The following SHOC2 variants were observed in gnomAD, a reference collection of about 807,000 sequenced individuals.
The protein encoded by SHOC2 is leucine-rich repeat protein SHOC-2.
In SHOC2, 4 loss-of-function variants were observed where a neutral mutation model predicts 50.2. That is an observed-to-expected ratio of 0.08 (90% CI 0.04 to 0.18). SHOC2 has a LOEUF of 0.18. Among genes scored for constraint, SHOC2 ranks in the 10% least tolerant of loss-of-function variants. The probability of loss-of-function intolerance (pLI) is 1.00; values close to 1 mark genes in which losing one functional copy is unlikely to be tolerated. For synonymous variants in SHOC2, 218 were observed against 244.5 expected, an observed-to-expected ratio of 0.89 and a Z score of 1.01; for missense variants, 388 against 669.6, an observed-to-expected ratio of 0.58 and a Z score of 4.64.
chr10:110,937,232 A>G, intron 1 of SHOC2: 7 of 1,187,876 alleles, frequency 5.9e-6, no homozygotes, highest in Middle Eastern at 1.9e-4. Context: ...CACCTCTGCC[A>G]TCTTCGGCTG....
chr10:110,980,052 T>C (rs189177320), intron 2 of SHOC2, among the ~76,000 whole-genome samples: 2 of 152,318 alleles, frequency 1.3e-5, no homozygotes, highest in East Asian at 3.9e-4. Flanking sequence ...TGTGTGAGTT[T>C]GTGTTTTAAA....
chr10:110,935,982 TATC>T (rs1424760330), intron 1 of SHOC2, among the ~76,000 whole-genome samples: 2 of 152,214 alleles, frequency 1.3e-5, no homozygotes, highest in Non-Finnish European at 1.5e-5. Context: ...GGCTGAACTT[TATC>T]ATCAAGTATT....
intron 1 of SHOC2, among the ~76,000 whole-genome samples, chr10:110,923,920 T>G (rs1242011020): frequency 6.6e-6 from 1 of 152,196 alleles, no homozygotes; most frequent in Non-Finnish European, 1.5e-5. Context: ...ATAAATATTT[T>G]TTTCTTTTAG....
intron 2 of SHOC2, among the ~76,000 whole-genome samples, chr10:110,981,240 TA>T (rs768659099): frequency 1.3e-5 from 2 of 152,240 alleles, no homozygotes; most frequent in African/African-American, 2.4e-5. Context: ...TTACGAATTG[TA>T]AGTTTCATGA....
intron 5 of SHOC2, among the ~76,000 whole-genome samples, chr10:111,006,850 A>C (rs1350186684): frequency 6.6e-6 from 1 of 152,344 alleles, no homozygotes; most frequent in East Asian, 1.9e-4. Context: ...GTTATTGATG[A>C]AAGTATACTT....
At chr10:110,925,662 G>T (rs1247006701) in intron 1 of SHOC2, among the ~76,000 whole-genome samples, 2 of 152,120 alleles carry the variant, frequency 1.3e-5, no homozygotes, top group African/African-American at 4.8e-5. Context: ...TTGCCGTGTT[G>T]CCCAGGCTGG....
rs1025292344 is a variant in SHOC2, at chr10:111,002,224, G to A, written c.972+1679G>A. Reference sequence around the variant, plus strand: ...CCCACTGAATATGGGAAAGTATGAAGTCATAATTTAAAAGTAATCAGTGTG... The same window carrying A: ...CCCACTGAATATGGGAAAGTATGAAATCATAATTTAAAAGTAATCAGTGTG... On this transcript the variant is annotated intron_variant, in intron 4 of 8. Coordinates refer to ENST00000369452, the MANE Select transcript of SHOC2 (RefSeq NM_007373.4). Among the ~76,000 whole-genome samples the A allele has an allele frequency of 3.3e-5, 5 of 152,110 alleles. No homozygotes were observed. In the East Asian group the frequency reaches 9.6e-4, roughly 29 times the overall value.
rs1348153300 is a variant in SHOC2 at position 111,001,597 on chromosome 10, CAA to C, written c.972+1055_972+1056del. 2.0e-5 allele frequency among the ~76,000 whole-genome samples: 3 copies of C among 152,266 alleles called. No homozygotes were observed. The East Asian group carries it at 5.8e-4, about 29-fold the overall frequency. ...AGCATGTCTTTCTGTAGTAATGTAA[CAA>C]AAGAATTGGGGACTTATGGATTGAT... On this transcript the variant is annotated intron_variant, in intron 4 of 8. Coordinates refer to ENST00000369452, the MANE Select transcript of SHOC2 (RefSeq NM_007373.4).
At chr10:111,001,028 A>G (rs567904322) in intron 4 of SHOC2, among the ~76,000 whole-genome samples, 1 of 151,498 alleles carries the variant, frequency 6.6e-6, no homozygotes, top group South Asian at 2.1e-4. Context: ...AATAATATTA[A>G]GGCCTATTTA....
At chr10:111,009,645 T>A (rs1171041261) in intron 7 of SHOC2, 68 bp from the exon 8 acceptor site, 1 of 978,424 alleles carries the variant, frequency 1.0e-6, no homozygotes, top group African/African-American at 1.6e-5. Context: ...TTTAGACATA[T>A]TATTTTCAGT....
At chr10:110,997,770 A>G (rs1033652160) in intron 3 of SHOC2, among the ~76,000 whole-genome samples, 4 of 152,186 alleles carry the variant, frequency 2.6e-5, no homozygotes, top group Non-Finnish European at 5.9e-5. Context: ...TGGATAAGGA[A>G]CAGACACAGA....
At chr10:110,933,809 GT>G (rs1161203926) in intron 1 of SHOC2, among the ~76,000 whole-genome samples, 3 of 152,106 alleles carry the variant, frequency 2.0e-5, no homozygotes, top group African/African-American at 4.8e-5. Flanking sequence ...GTAAGACCCT[GT>G]CTCTAAAAAA....
Position 110,934,711 on chromosome 10 carries a change from C to T in SHOC2, c.-235+15054C>T, listed in dbSNP as rs766415037. ...AACTCTGTGACATCTTGGGGACATACATTTACCTCTGATAATTTGCTATTT... is the reference window on the plus strand; with the variant it reads ...AACTCTGTGACATCTTGGGGACATATATTTACCTCTGATAATTTGCTATTT... On this transcript the variant is annotated intron_variant, in intron 1 of 8. Coordinates refer to ENST00000369452, the MANE Select transcript of SHOC2 (RefSeq NM_007373.4). Among the ~76,000 whole-genome samples, 36 of 152,188 alleles carry T rather than the reference C, an allele frequency of 2.4e-4. 1 individual carries two copies. Among genetic ancestry groups the T allele is most frequent in the Non-Finnish European group, 4.1e-4 (28 of 68,002 alleles).
At chr10:110,926,552 CA>C (rs1393367451) in intron 1 of SHOC2, among the ~76,000 whole-genome samples, 1 of 152,092 alleles carries the variant, frequency 6.6e-6, no homozygotes, top group Non-Finnish European at 1.5e-5. Flanking sequence ...AAAATAAGAG[CA>C]GAAGAAAAAC....
At chr10:110,961,646 T>C (rs1421925888) in intron 1 of SHOC2, among the ~76,000 whole-genome samples, 1 of 152,098 alleles carries the variant, frequency 6.6e-6, no homozygotes, top group Non-Finnish European at 1.5e-5. Context: ...ACAGGATGAG[T>C]TTGGGGGTCA....
intron 1 of SHOC2, among the ~76,000 whole-genome samples, chr10:110,924,861 G>A (rs563821496): frequency 3.3e-5 from 5 of 152,142 alleles, no homozygotes; most frequent in East Asian, 3.9e-4. Context: ...CTTGAGGTCA[G>A]GAGTTTGAGA....
rs533488602 is a variant in SHOC2, at chr10:110,992,400, A to G, written c.841+6635A>G. ...CAGAAATTAGCTATGAACAGAAGAA[A>G]ATATTAAGCTTTATTCCAACAGTTA... On this transcript the variant is annotated intron_variant, in intron 3 of 8. Coordinates refer to ENST00000369452, the MANE Select transcript of SHOC2 (RefSeq NM_007373.4). Among the ~76,000 whole-genome samples, 7 of 152,360 alleles carry G rather than the reference A, an allele frequency of 4.6e-5. No homozygotes were observed. In the East Asian group the frequency reaches 1.2e-3, roughly 25 times the overall value.
At chr10:110,934,933 C>T (rs1050063195) in intron 1 of SHOC2, among the ~76,000 whole-genome samples, 1 of 152,092 alleles carries the variant, frequency 6.6e-6, no homozygotes, top group Non-Finnish European at 1.5e-5. Flanking sequence ...ATCTTTCTCC[C>T]ACTCTGAAAC....
chr10:110,958,588 A>T (rs2134113902), intron 1 of SHOC2, among the ~76,000 whole-genome samples: 1 of 152,272 alleles, frequency 6.6e-6, no homozygotes, highest in East Asian at 1.9e-4. Flanking sequence ...GGATAGTCTC[A>T]TCTGAAACCT....
Sources: allele counts gnomAD v4.1 joint callset (sites outside exome capture counted in the v4.1 genomes callset), GRCh38; gene constraint gnomAD v4.1.1; transcripts MANE v1.5; gene names NCBI Gene and HGNC (gene_info 2026-07-23, HGNC 2026-07-21).